SLC2A13: variants seen among roughly 807,000 people sequenced by gnomAD.
SLC2A13 encodes solute carrier family 2 member 13.
Under a neutral mutation model 64.4 loss-of-function variants are expected in SLC2A13, and 32 were observed. The observed-to-expected ratio is 0.50, with a 90% CI of 0.37 to 0.67. The LOEUF (loss-of-function observed/expected upper bound fraction) is 0.67, where lower values mean the gene tolerates loss of function less well. Among genes scored for constraint, SLC2A13 ranks in the 30% least tolerant of loss-of-function variants. The probability of loss-of-function intolerance (pLI) is 0.00; values close to 1 mark genes in which losing one functional copy is unlikely to be tolerated. For synonymous variants in SLC2A13, 338 were observed against 327.1 expected (o/e 1.03, Z -0.36); for missense variants, 743 against 829.2 (o/e 0.90, Z 1.28).
chr12:39,978,471 G>T lies in SLC2A13; in HGVS notation c.926-27106C>A, dbSNP rs11612590. On this transcript the variant is annotated intron_variant, in intron 3 of 9. Transcript: ENST00000280871. ...GCGCAGGCCAGTGGGTGCGCGCACC[G>T]TGCGCGAGCCGAAGCAGGGCGAGGC... Among the ~76,000 whole-genome samples the T allele has an allele frequency of 4.6e-5, 7 of 150,968 alleles. No individual in the cohort carries two copies. The South Asian group carries it at 1.0e-3, about 22-fold the overall frequency.
chr12:39,757,650 T>C lies in SLC2A13; in HGVS notation c.*2376A>G, dbSNP rs1237587759. On this transcript the variant is annotated 3_prime_UTR_variant, in exon 10 of 10. Transcript: ENST00000280871. ...ATAAATAACAAATAGTCCTTTAAAG[T>C]AGGGGCTCAGGGGAGTAGGGGAGGA... 6.6e-6 allele frequency: 1 copy of C among 151,980 alleles called. No individual in the cohort carries two copies. 9.4% of individuals were successfully genotyped at this position (151,980 alleles called of 1,614,324 possible).
intron 1 of SLC2A13, among the ~76,000 whole-genome samples, chr12:40,070,409 A>T (rs1937908538): frequency 6.6e-6 from 1 of 152,182 alleles, no homozygotes; most frequent in South Asian, 2.1e-4. Flanking sequence ...CTGTAAGAAG[A>T]GACAGAACAA....
At chr12:39,966,114 G>A (rs1248756573) in intron 3 of SLC2A13, among the ~76,000 whole-genome samples, 2 of 143,468 alleles carry the variant, frequency 1.4e-5, no homozygotes, top group African/African-American at 2.5e-5. Flanking sequence ...TGTATGTAGA[G>A]ATGTGTGTGT....
At chr12:39,878,316 G>T (rs1944245386) in intron 4 of SLC2A13, among the ~76,000 whole-genome samples, 1 of 152,156 alleles carries the variant, frequency 6.6e-6, no homozygotes, top group South Asian at 2.1e-4. Flanking sequence ...AATTTGGAGG[G>T]CTCAGAAGAC....
At position 40,105,398 on chromosome 12, in the gene SLC2A13, G is replaced by C. The variant is rs1939272943; in HGVS notation, c.411C>G (p.Ala137=). 11 of 1,554,540 alleles carry C rather than the reference G, an allele frequency of 7.1e-6. No individual in the cohort carries two copies. The highest frequency in any genetic ancestry group is 1.4e-5 in the African/African-American group (1 of 72,858). The change falls in exon 1 of 10, where the codon GCC becomes GCG. Residue 137 remains alanine, a synonymous_variant. Coordinates refer to ENST00000280871, the MANE Select transcript of SLC2A13 (RefSeq NM_052885.4). The surrounding 1 kb of genome is among the most constrained non-coding windows in gnomAD (Gnocchi z 4.2). ...CGAAGACGCCGTTGAGGGCGCCTCC[G>C]GCCAGCGCCGAGACGGCAGCCGCCC... ...TVGAAAVSAL[A]GGALNGVFGR...
intron 7 of SLC2A13, among the ~76,000 whole-genome samples, chr12:39,770,745 A>T (rs1940534927): frequency 1.3e-5 from 2 of 152,112 alleles, no homozygotes; most frequent in African/African-American, 4.8e-5. Flanking sequence ...AGTTAACACC[A>T]CCTTACCCTA....
chr12:39,961,738 C>A (rs1344014440), intron 3 of SLC2A13, among the ~76,000 whole-genome samples: 1 of 151,768 alleles, frequency 6.6e-6, no homozygotes, highest in Non-Finnish European at 1.5e-5. Context: ...TGGGCTCAAG[C>A]AATCCTCCTG....
chr12:39,765,608 A>G (rs1030130394), intron 7 of SLC2A13, among the ~76,000 whole-genome samples: 1 of 152,012 alleles, frequency 6.6e-6, no homozygotes, highest in African/African-American at 2.4e-5. Flanking sequence ...TATTGTTACC[A>G]TATTTATGAA....
At chr12:40,046,266 T>C (rs932749079) in intron 2 of SLC2A13, among the ~76,000 whole-genome samples, 1 of 152,218 alleles carries the variant, frequency 6.6e-6, no homozygotes, top group Non-Finnish European at 1.5e-5. Flanking sequence ...GATGTCTCCT[T>C]GCCTCTGCAA....
In SLC2A13 at chr12:40,105,121, G is replaced by A. The variant is rs923270052; in HGVS notation, c.556+132C>T. 2 of 1,400,880 alleles carry A rather than the reference G, an allele frequency of 1.4e-6. No homozygotes were observed. The highest frequency in any genetic ancestry group is 1.5e-5 in the African/African-American group (1 of 65,830). 86.8% of individuals were successfully genotyped at this position (1,400,880 alleles called of 1,614,324 possible). A position where few individuals can be genotyped will look rare whatever the true frequency, so the allele number is the denominator to read the frequency against. On this transcript the variant is annotated intron_variant, in intron 1 of 9. Transcript: ENST00000280871. The surrounding 1 kb of genome is among the most constrained non-coding windows in gnomAD (Gnocchi z 4.2). Reference sequence around the variant, plus strand: ...ACCAACAAACAGATGGGCTCTGGAGGCCAGAGAAGTGGAGGATTCTCTGAC... The same window carrying A: ...ACCAACAAACAGATGGGCTCTGGAGACCAGAGAAGTGGAGGATTCTCTGAC...
chr12:40,066,367 T>G (rs1937726374), intron 1 of SLC2A13, among the ~76,000 whole-genome samples: 1 of 152,220 alleles, frequency 6.6e-6, no homozygotes, highest in South Asian at 2.1e-4. Flanking sequence ...AATTGAGTAG[T>G]ACATCAATGT....
chr12:40,068,610 G>A (rs1445490504), intron 1 of SLC2A13: 3 of 164,168 alleles, frequency 1.8e-5, no homozygotes, highest in Non-Finnish European at 4.1e-5. Flanking sequence ...TTAGGTGCCA[G>A]ATGGCCCCCA....
intron 6 of SLC2A13, among the ~76,000 whole-genome samples, chr12:39,857,621 A>C (rs1003980772): frequency 6.6e-6 from 1 of 152,206 alleles, no homozygotes; most frequent in Non-Finnish European, 1.5e-5. Flanking sequence ...TGATCTTTTA[A>C]AAACACAAAT....
At chr12:39,876,419 G>GA (rs34597319) in intron 4 of SLC2A13, among the ~76,000 whole-genome samples, 3 of 152,048 alleles carry the variant, frequency 2.0e-5, no homozygotes, top group African/African-American at 7.2e-5. Context: ...AGGAATTTCT[G>GA]AAAAAGCTAT....
At chr12:39,999,545 G>GA (rs1211516547) in intron 3 of SLC2A13, among the ~76,000 whole-genome samples, 2 of 152,048 alleles carry the variant, frequency 1.3e-5, no homozygotes, top group Non-Finnish European at 2.9e-5. Flanking sequence ...ATTAGGGTGG[G>GA]AAAAAAACCT....
intron 3 of SLC2A13, among the ~76,000 whole-genome samples, chr12:39,980,692 C>T (rs1200768271): frequency 6.6e-6 from 1 of 151,626 alleles, no homozygotes; most frequent in African/African-American, 2.4e-5. Flanking sequence ...GAGTGACCTA[C>T]AAAGAGACTT....
chr12:39,956,739 C>T (rs1259644633), intron 3 of SLC2A13, among the ~76,000 whole-genome samples: 2 of 152,044 alleles, frequency 1.3e-5, no homozygotes, highest in Non-Finnish European at 2.9e-5. Context: ...TGCTCTTATT[C>T]TTCCCTTTCT....
At chr12:39,828,908 T>C (rs114482149) in intron 7 of SLC2A13, among the ~76,000 whole-genome samples, 363 of 152,278 alleles carry the variant, frequency 2.4e-3, no homozygotes, top group African/African-American at 8.5e-3. Flanking sequence ...TATTTCTTTG[T>C]AATTAGTATA....
intron 3 of SLC2A13, among the ~76,000 whole-genome samples, chr12:40,007,645 T>C (rs901019288): frequency 6.6e-6 from 1 of 152,226 alleles, no homozygotes; most frequent in Non-Finnish European, 1.5e-5. Context: ...AGCTTTGTTT[T>C]GAATTCTTAG....
Sources: gnomAD v4.1 joint callset for allele counts (sites outside exome capture counted in the v4.1 genomes callset) on GRCh38, gnomAD v4.1.1 for gene constraint, Gnocchi (gnomAD v3.1) non-coding constraint, MANE v1.5 for transcripts, NCBI Gene and HGNC (gene_info 2026-07-23, HGNC 2026-07-21) for gene names.